Variants in AAK1 observed in about 807,000 individuals in gnomAD.
AAK1 encodes AP2 associated kinase 1.
A neutral mutation model predicts 116.0 loss-of-function variants in AAK1; 37 were observed. The observed-to-expected ratio is 0.32, with a 90% CI of 0.25 to 0.42. The LOEUF (loss-of-function observed/expected upper bound fraction) is 0.42. Among genes scored for constraint, AAK1 ranks in the 10% least tolerant of loss-of-function variants. The probability of loss-of-function intolerance (pLI) is 1.00; values close to 1 mark genes in which losing one functional copy is unlikely to be tolerated. For synonymous variants in AAK1, 458 were observed against 439.9 expected, an observed-to-expected ratio of 1.04 and a Z score of -0.51; for missense variants, 919 against 1,170.6, an observed-to-expected ratio of 0.79 and a Z score of 3.14.
intron 2 of AAK1, among the ~76,000 whole-genome samples, chr2:69,623,241 G>A (rs556882108): frequency 2.0e-5 from 3 of 152,042 alleles, no homozygotes; most frequent in Non-Finnish European, 2.9e-5. Flanking sequence ...CAAACACACC[G>A]CCTTTAAGAA....
chr2:69,567,075 C>T (rs1671905511), intron 2 of AAK1, among the ~76,000 whole-genome samples: 1 of 152,228 alleles, frequency 6.6e-6, no homozygotes, highest in Non-Finnish European at 1.5e-5. Flanking sequence ...TCCAACCTAG[C>T]TCATACACCT....
intron 2 of AAK1, among the ~76,000 whole-genome samples, chr2:69,574,985 C>G (rs1157565271): frequency 7.0e-6 from 1 of 142,544 alleles, no homozygotes; most frequent in Non-Finnish European, 1.5e-5. Context: ...GAAATTCTGT[C>G]TTTACAAATA....
chr2:69,637,150 A>G (rs1247503014), intron 2 of AAK1, among the ~76,000 whole-genome samples: 1 of 152,148 alleles, frequency 6.6e-6, no homozygotes, highest in Non-Finnish European at 1.5e-5. Context: ...TGGCCATGTT[A>G]TTCTCTCTGC....
At chr2:69,519,306 T>G in intron 11 of AAK1, 66 bp from the exon 12 acceptor site, 2 of 1,466,834 alleles carry the variant, frequency 1.4e-6, no homozygotes, top group Non-Finnish European at 1.8e-6. Context: ...CTTTCTGTCT[T>G]GCCAAAACAA....
intron 2 of AAK1, among the ~76,000 whole-genome samples, chr2:69,627,337 TGG>T (rs1185601072): frequency 6.8e-6 from 1 of 146,232 alleles, no homozygotes; most frequent in Non-Finnish European, 1.5e-5. Flanking sequence ...GAAATTCTAG[TGG>T]GGGGAGTGGG....
intron 10 of AAK1, among the ~76,000 whole-genome samples, chr2:69,523,170 T>C (rs1480726268): frequency 1.3e-5 from 2 of 152,214 alleles, no homozygotes. Context: ...GTATGTTTTG[T>C]GGAGTGGAGT....
intron 2 of AAK1, among the ~76,000 whole-genome samples, chr2:69,604,594 G>C (rs1287139841): frequency 2.0e-5 from 3 of 152,180 alleles, no homozygotes; most frequent in Non-Finnish European, 4.4e-5. Flanking sequence ...GACACTGAAG[G>C]AACATACGAG....
intron 13 of AAK1, 105 bp downstream of exon 13, chr2:69,514,366 C>A: frequency 7.1e-7 from 1 of 1,412,474 alleles, no homozygotes; most frequent in Non-Finnish European, 9.3e-7. Context: ...GGTGGGAAAG[C>A]AACCTGGACC....
Position 69,469,150 on chromosome 2 carries a change from A to G in AAK1, c.*6719T>C, listed in dbSNP as rs78971922. 127 of 985,402 alleles carry G rather than the reference A, an allele frequency of 1.3e-4. No homozygotes were observed. The East Asian group carries it at 6.9e-3, about 54-fold the overall frequency. 61.0% of individuals were successfully genotyped at this position (985,402 alleles called of 1,614,324 possible). A position where few individuals can be genotyped will look rare whatever the true frequency, so the allele number is the denominator to read the frequency against. On this transcript the variant is annotated 3_prime_UTR_variant, in exon 22 of 22. Transcript: ENST00000409085. The stretch of plus-strand genomic sequence containing the variant: ...GAAGGCCAAGTCCCTTAACCTTTCT[A>G]TTCTTGTTAGAGGAGGTACAGTGTG...
intron 2 of AAK1, among the ~76,000 whole-genome samples, chr2:69,588,424 C>G (rs1672882428): frequency 1.3e-5 from 2 of 152,156 alleles, no homozygotes; most frequent in African/African-American, 4.8e-5. Flanking sequence ...CATCAGTTTC[C>G]CCATCCCTTA....
chr2:69,643,201 C>T lies in AAK1; in HGVS notation c.-161G>A. The T allele has an allele frequency of 7.0e-7, 1 of 1,429,046 alleles. No homozygotes were observed. 88.5% of individuals were successfully genotyped at this position (1,429,046 alleles called of 1,614,324 possible). A position where few individuals can be genotyped will look rare whatever the true frequency, so the allele number is the denominator to read the frequency against. Reference sequence around the variant, plus strand: ...TGGGGGTGGGGGCTGAGGGAGGATGCCTATAGGAATATGCGTGTCAATCGC... The same window carrying T: ...TGGGGGTGGGGGCTGAGGGAGGATGTCTATAGGAATATGCGTGTCAATCGC... On this transcript the variant is annotated 5_prime_UTR_variant, in exon 2 of 22. Transcript: ENST00000409085.
chr2:69,542,417 G>A lies in AAK1; in HGVS notation c.534+106C>T, dbSNP rs2105052233. The A allele has an allele frequency of 1.6e-5, 22 of 1,351,112 alleles. 1 individual carries two copies. Among genetic ancestry groups the A allele is most frequent in the Middle Eastern group, 1.9e-4 (1 of 5,318 alleles). The allele number at this position is 1,351,112 out of a possible 1,614,324, so 83.7% of individuals were successfully genotyped here. On this transcript the variant is annotated intron_variant, in intron 5 of 21. Coordinates refer to ENST00000409085, the MANE Select transcript of AAK1 (RefSeq NM_014911.5). ...GGCAGAATATAAACATAAAAACAGG[G>A]ACCATATCTTAAATTTCTCTCATAT...
At chr2:69,617,302 G>A (rs534462706) in intron 2 of AAK1, among the ~76,000 whole-genome samples, 4 of 152,246 alleles carry the variant, frequency 2.6e-5, no homozygotes, top group Non-Finnish European at 4.4e-5. Context: ...AATTCACATC[G>A]AGTTGCTTTG....
intron 5 of AAK1, among the ~76,000 whole-genome samples, chr2:69,534,672 G>C (rs1670389856): frequency 6.6e-6 from 1 of 152,224 alleles, no homozygotes; most frequent in African/African-American, 2.4e-5. Flanking sequence ...GTCAATAGCA[G>C]AGGCTGCCAA....
In AAK1 at chr2:69,466,729, T is replaced by C. The variant is rs1304121454; in HGVS notation, c.*9140A>G. 1.0e-6 allele frequency: 1 copy of C among 985,144 alleles called. No homozygotes were observed. Among genetic ancestry groups the C allele is most frequent in the African/African-American group, 1.7e-5 (1 of 57,162 alleles). The allele number at this position is 985,144 out of a possible 1,614,324, so 61.0% of individuals were successfully genotyped here. ...AAACTGCACACAAACTGGAACACAA[T>C]CAACCACTGTCTCACGTTTTGGAAC... On this transcript the variant is annotated 3_prime_UTR_variant, in exon 22 of 22. Coordinates refer to ENST00000409085, the MANE Select transcript of AAK1 (RefSeq NM_014911.5).
intron 20 of AAK1, 58 bp downstream of exon 20, chr2:69,478,890 AGTT>A: frequency 7.3e-7 from 1 of 1,369,382 alleles, no homozygotes; most frequent in South Asian, 1.2e-5. Context: ...AACTTTCAAA[AGTT>A]GTTTAGTTCT....
chr2:69,509,567 C>T (rs1676313395), intron 13 of AAK1, 107 bp from the exon 14 acceptor site: 1 of 934,560 alleles, frequency 1.1e-6, no homozygotes. Context: ...CACATAAGCA[C>T]TAACATGAAA....
At chr2:69,502,995 G>A (rs1385804136) in intron 16 of AAK1, among the ~76,000 whole-genome samples, 3 of 152,098 alleles carry the variant, frequency 2.0e-5, no homozygotes, top group Non-Finnish European at 2.9e-5. Flanking sequence ...ATTTATTGAC[G>A]TGGAAACTGC....
At chr2:69,580,713 CCCACAGAGTGT>C (rs1672506360) in intron 2 of AAK1, among the ~76,000 whole-genome samples, 1 of 152,186 alleles carries the variant, frequency 6.6e-6, no homozygotes, top group South Asian at 2.1e-4. Flanking sequence ...TGTTAATGTG[CCCACAGAGTGT>C]CTTGGTTAAT....
Sources: gnomAD v4.1 joint callset for allele counts (sites outside exome capture counted in the v4.1 genomes callset) on GRCh38, gnomAD v4.1.1 for gene constraint, MANE v1.5 for transcripts, NCBI Gene and HGNC (gene_info 2026-07-23, HGNC 2026-07-21) for gene names.